The following BNC2 variants were observed in gnomAD, a reference collection of about 807,000 sequenced individuals.
BNC2 encodes the protein zinc finger protein basonuclin-2.
Under a neutral mutation model 76.3 loss-of-function variants are expected in BNC2, and 20 were observed. The ratio of observed to expected loss-of-function variants is 0.26; its 90% CI spans 0.18 to 0.38. BNC2 has a LOEUF of 0.38. Ranked by LOEUF, BNC2 falls within the 10% of genes least tolerant of loss-of-function variation. BNC2 has a pLI of 1.00. For missense variants in BNC2, 1,382 were observed against 1,399.8 expected (o/e 0.99, Z 0.20); for synonymous variants, 582 against 514.8 (o/e 1.13, Z -1.77).
At chr9:16,739,634 T>TG (rs1824783935) in intron 1 of BNC2, among the ~76,000 whole-genome samples, 1 of 152,084 alleles carries the variant, frequency 6.6e-6, no homozygotes, top group Non-Finnish European at 1.5e-5. Flanking sequence ...ATTGTGCCAT[T>TG]GCACTCCACC....
At chr9:16,846,592 T>A (rs180940409) in intron 1 of BNC2, among the ~76,000 whole-genome samples, 2 of 152,188 alleles carry the variant, frequency 1.3e-5, no homozygotes. Flanking sequence ...AGGGTTTCTC[T>A]TTCAGCAGGC....
rs140809930 is a variant in BNC2 at position 16,678,267 on chromosome 9, C to CTTTTTTTTTTTTTT, written c.330+49516_330+49529dup. Among the ~76,000 whole-genome samples, 33 of 80,738 alleles carry CTTTTTTTTTTTTTT rather than the reference C, an allele frequency of 4.1e-4. 5 individuals are homozygous for CTTTTTTTTTTTTTT. Among genetic ancestry groups the CTTTTTTTTTTTTTT allele is most frequent in the African/African-American group, 1.5e-3 (27 of 17,694 alleles). The allele number at this position is 80,738 out of a possible 152,430, so 53.0% of individuals were successfully genotyped here. ...ACTTGTAACTGTTTTCTTTCTTTTTCTTTTTTTTTTTTTTTTTTTTTTTTT... is the reference window on the plus strand; with the variant it reads ...ACTTGTAACTGTTTTCTTTCTTTTTCTTTTTTTTTTTTTTTTTTTTTTTTTTTTTTTTTTTTTTT... On this transcript the variant is annotated intron_variant, in intron 3 of 6. Coordinates refer to ENST00000380672, the MANE Select transcript of BNC2 (RefSeq NM_017637.6).
chr9:16,498,091 CATCATATATATATTCT>C (rs1392931761), intron 5 of BNC2, among the ~76,000 whole-genome samples: 4 of 134,960 alleles, frequency 3.0e-5, no homozygotes, highest in South Asian at 2.3e-4. Flanking sequence ...ATATATATTC[CATCATATATATATTCT>C]ATCATATGTA....
intron 5 of BNC2, among the ~76,000 whole-genome samples, chr9:16,551,574 A>C (rs1383346343): frequency 6.6e-6 from 1 of 152,242 alleles, no homozygotes; most frequent in African/African-American, 2.4e-5. Flanking sequence ...TATTATCCTC[A>C]TGGGAAATTT....
At chr9:16,811,388 T>C (rs1244192322) in intron 1 of BNC2, among the ~76,000 whole-genome samples, 3 of 150,454 alleles carry the variant, frequency 2.0e-5, no homozygotes, top group Non-Finnish European at 3.0e-5. Context: ...CCATCTCTAC[T>C]AAAAATACCA....
At chr9:16,635,449 TATA>T (rs1821295403) in intron 3 of BNC2, among the ~76,000 whole-genome samples, 1 of 152,226 alleles carries the variant, frequency 6.6e-6, no homozygotes, top group African/African-American at 2.4e-5. Flanking sequence ...TTTAATATTT[TATA>T]ATACTTTTGA....
At chr9:16,529,356 T>C (rs1255815018) in intron 5 of BNC2, among the ~76,000 whole-genome samples, 2 of 152,196 alleles carry the variant, frequency 1.3e-5, no homozygotes, top group African/African-American at 2.4e-5. Context: ...CATTTACTAA[T>C]AATCATAATT....
At chr9:16,559,186 T>C (rs924357809) in intron 4 of BNC2, among the ~76,000 whole-genome samples, 2 of 152,226 alleles carry the variant, frequency 1.3e-5, no homozygotes, top group South Asian at 2.1e-4. Flanking sequence ...GGCATCATTC[T>C]AGAGCAAATT....
intron 5 of BNC2, among the ~76,000 whole-genome samples, chr9:16,469,014 G>GAAA (rs1366658380): frequency 6.6e-6 from 1 of 152,124 alleles, no homozygotes; most frequent in Non-Finnish European, 1.5e-5. Context: ...TAAAATCTTG[G>GAAA]ATTTTAAAAA....
At chr9:16,802,905 G>C (rs1817817529) in intron 1 of BNC2, among the ~76,000 whole-genome samples, 1 of 152,190 alleles carries the variant, frequency 6.6e-6, no homozygotes, top group Non-Finnish European at 1.5e-5. Flanking sequence ...ACGCAACTTT[G>C]TACTACTTGG....
intron 5 of BNC2, among the ~76,000 whole-genome samples, chr9:16,459,272 T>G (rs1821522291): frequency 6.6e-6 from 1 of 152,186 alleles, no homozygotes; most frequent in South Asian, 2.1e-4. Context: ...AAGAGTTTCA[T>G]GCTCACATGT....
rs563475581 is a variant in BNC2 at position 16,416,050 on chromosome 9, A to C, written c.*2939T>G. The C allele has an allele frequency of 6.6e-6, 1 of 152,204 alleles. No homozygotes were observed. Among genetic ancestry groups the C allele is most frequent in the Non-Finnish European group, 1.5e-5 (1 of 68,026 alleles). The allele number at this position is 152,204 out of a possible 1,614,324, so 9.4% of individuals were successfully genotyped here. A position where few individuals can be genotyped will look rare whatever the true frequency, so the allele number is the denominator to read the frequency against. On this transcript the variant is annotated 3_prime_UTR_variant, in exon 7 of 7. Transcript: ENST00000380672. ...ATACACATTAGCTTGGTTTGCAGCA[A>C]GTAACAAACATTTGTTCTAAGCCTG... is the stretch of plus-strand genomic sequence containing the variant.
chr9:16,806,250 A>C (rs1217981655), intron 1 of BNC2, among the ~76,000 whole-genome samples: 1 of 152,184 alleles, frequency 6.6e-6, no homozygotes, highest in Non-Finnish European at 1.5e-5. Flanking sequence ...CAAAAGCAGG[A>C]GGATCACTTG....
chr9:16,847,401 C>CGG (rs869051853), intron 1 of BNC2, among the ~76,000 whole-genome samples: 6 of 10,338 alleles, frequency 5.8e-4, no homozygotes, highest in South Asian at 3.3e-3. Flanking sequence ...TTTCTCGGGG[C>CGG]GGGGGGGGGG....
At chr9:16,782,224 T>G (rs1234595764) in intron 1 of BNC2, among the ~76,000 whole-genome samples, 3 of 151,800 alleles carry the variant, frequency 2.0e-5, no homozygotes, top group Non-Finnish European at 2.9e-5. Context: ...GGCAGAGGTT[T>G]CAGTCAGCCG....
At chr9:16,717,118 A>G (rs1222263341) in intron 3 of BNC2, among the ~76,000 whole-genome samples, 3 of 152,196 alleles carry the variant, frequency 2.0e-5, no homozygotes, top group Non-Finnish European at 4.4e-5. Flanking sequence ...TTGAAATGTG[A>G]GCAATTAGAA....
rs1356483205 is a variant in BNC2, at chr9:16,437,156, C to G, written c.1038G>C (p.Glu346Asp). The G allele has an allele frequency of 1.9e-6, 3 of 1,614,162 alleles. No individual in the cohort carries two copies. The highest frequency in any genetic ancestry group is 1.7e-5 in the Admixed American group (1 of 60,014). The change falls in exon 6 of 7, where the codon GAG becomes GAC. Residue 346 changes from glutamate (E) to aspartate (D), a missense_variant. By Grantham distance (45) the Glu-to-Asp change is conservative. Around this residue, in one of 3 missense-constraint regions of BNC2, gnomAD observed 557 missense variants for 540.9 expected, o/e 1.03. Transcript: ENST00000380672. ...GTTCCCGCAGCCTCAACCCTGGTTG[C>G]TCTAACAGTAGCCCATTTGGAGGCA... The part of the protein sequence containing the change: ...LGLPPNGLLL[E>D]QPGLRLREPS...
At chr9:16,688,813 G>A (rs1016775346) in intron 3 of BNC2, among the ~76,000 whole-genome samples, 1 of 152,074 alleles carries the variant, frequency 6.6e-6, no homozygotes, top group African/African-American at 2.4e-5. Flanking sequence ...TGTAACAGGA[G>A]GTCAGAGGCC....
chr9:16,666,481 A>T (rs1332857670), intron 3 of BNC2, among the ~76,000 whole-genome samples: 6 of 152,260 alleles, frequency 3.9e-5, no homozygotes, highest in Admixed American at 6.5e-5. Flanking sequence ...GCTTAAAAAC[A>T]CACGCACAGA....
Sources: allele counts gnomAD v4.1 joint callset (sites outside exome capture counted in the v4.1 genomes callset), GRCh38; gene constraint gnomAD v4.1.1; regional missense constraint gnomAD v4.1.1; transcripts MANE v1.5; gene names NCBI Gene and HGNC (gene_info 2026-07-23, HGNC 2026-07-21).